SGCZ: variants seen among roughly 807,000 people sequenced by gnomAD.
SGCZ encodes the protein zeta-sarcoglycan.
Under a neutral mutation model 41.3 loss-of-function variants are expected in SGCZ, and 40 were observed. The ratio of observed to expected loss-of-function variants is 0.97; its 90% CI spans 0.75 to 1.26. The LOEUF (loss-of-function observed/expected upper bound fraction) is 1.26, where lower values mean the gene tolerates loss of function less well. SGCZ is among the 50% of genes most tolerant of loss of function. The pLI is 0.00. For missense variants in SGCZ, 552 were observed against 369.8 expected (o/e 1.49, Z -4.04); for synonymous variants, 206 against 137.5 (o/e 1.50, Z -3.49).
At chr8:14,939,161 C>G (rs938211158) in intron 1 of SGCZ, among the ~76,000 whole-genome samples, 1 of 152,080 alleles carries the variant, frequency 6.6e-6, no homozygotes, top group African/African-American at 2.4e-5. Flanking sequence ...ATGTGCTTAG[C>G]TGGTTAGAAT....
chr8:14,317,037 A>T (rs7015616), intron 3 of SGCZ, among the ~76,000 whole-genome samples: 90,478 of 151,690 alleles, frequency 0.6, 28,702 homozygotes, highest in Non-Finnish European at 0.73. Flanking sequence ...TGTTACATTT[A>T]CTCTTCCTCT....
At chr8:15,040,451 T>C (rs559914688) in intron 1 of SGCZ, among the ~76,000 whole-genome samples, 149 of 152,126 alleles carry the variant, frequency 9.8e-4, no homozygotes, top group African/African-American at 3.3e-3. Context: ...CTGCCTCTAC[T>C]AAAAATACAA....
chr8:14,934,918 A>G (rs950259674), intron 1 of SGCZ, among the ~76,000 whole-genome samples: 1 of 151,242 alleles, frequency 6.6e-6, no homozygotes, highest in African/African-American at 2.4e-5. Flanking sequence ...ATAATCTCCC[A>G]GTACTGAAAA....
chr8:14,579,888 G>A (rs1804830630), intron 1 of SGCZ, among the ~76,000 whole-genome samples: 1 of 152,146 alleles, frequency 6.6e-6, no homozygotes, highest in African/African-American at 2.4e-5. Flanking sequence ...AAGTTCCCCT[G>A]AGTCTAAGCA....
chr8:15,011,164 C>A lies in SGCZ; in HGVS notation c.39+226421G>T, dbSNP rs78739063. ...AAGGGTTATTTAGAGAGAAATTTTGCTTAAATGTTTAGAAAATTATCCTAC... is the reference window on the plus strand; with the variant it reads ...AAGGGTTATTTAGAGAGAAATTTTGATTAAATGTTTAGAAAATTATCCTAC... On this transcript the variant is annotated intron_variant, in intron 1 of 7. Transcript: ENST00000382080. 4.1e-3 allele frequency among the ~76,000 whole-genome samples: 630 copies of A among 152,158 alleles called. 11 individuals are homozygous for A. The highest frequency in any genetic ancestry group is 0.035 in the East Asian group (180 of 5,170).
chr8:14,213,978 T>C (rs1314459929), intron 4 of SGCZ, among the ~76,000 whole-genome samples: 2 of 152,116 alleles, frequency 1.3e-5, no homozygotes, highest in African/African-American at 4.8e-5. Context: ...AACATGTTCA[T>C]AGCAAGTTCA....
intron 1 of SGCZ, among the ~76,000 whole-genome samples, chr8:15,161,528 G>A (rs1004054447): frequency 6.6e-6 from 1 of 152,164 alleles, no homozygotes; most frequent in African/African-American, 2.4e-5. Context: ...AGTGGGCAGT[G>A]CCTGGTGTCC....
In SGCZ at chr8:14,729,023, G is replaced by T. The variant is rs553098120; in HGVS notation, c.40-174097C>A. Among the ~76,000 whole-genome samples the T allele has an allele frequency of 1.1e-4, 17 of 152,264 alleles. No individual in the cohort carries two copies. In the South Asian group the frequency reaches 3.3e-3, roughly 30 times the overall value. On this transcript the variant is annotated intron_variant, in intron 1 of 7. Coordinates refer to ENST00000382080, the MANE Select transcript of SGCZ (RefSeq NM_139167.4). ...TAGTTTTAAAATTACTCTTTGTAAT[G>T]TGGTCACTAGGAATTAAGCCTTCAA...
At chr8:14,169,547 C>T (rs1804311283) in intron 4 of SGCZ, among the ~76,000 whole-genome samples, 1 of 152,144 alleles carries the variant, frequency 6.6e-6, no homozygotes, top group Admixed American at 6.6e-5. Flanking sequence ...CACTGGCTCC[C>T]AGGACATCCC....
chr8:14,698,169 G>C (rs1809026032), intron 1 of SGCZ, among the ~76,000 whole-genome samples: 1 of 151,816 alleles, frequency 6.6e-6, no homozygotes, highest in African/African-American at 2.4e-5. Context: ...TTTCCTATAA[G>C]AATGAAATAT....
At chr8:15,054,681 G>T (rs906595673) in intron 1 of SGCZ, among the ~76,000 whole-genome samples, 9 of 151,916 alleles carry the variant, frequency 5.9e-5, no homozygotes. Flanking sequence ...GTAGCCGGGC[G>T]CAGTGGCTCA....
chr8:14,993,357 C>T (rs1437778559), intron 1 of SGCZ, among the ~76,000 whole-genome samples: 2 of 152,046 alleles, frequency 1.3e-5, no homozygotes, highest in Non-Finnish European at 2.9e-5. Context: ...AAACCACAGG[C>T]TATTCTAGGA....
intron 1 of SGCZ, among the ~76,000 whole-genome samples, chr8:15,057,332 T>A (rs115513847): frequency 8.2e-4 from 125 of 152,306 alleles, no homozygotes; most frequent in African/African-American, 2.9e-3. Context: ...CCCTACTTGG[T>A]GTTCCTATTA....
chr8:14,991,256 A>G (rs1268350131), intron 1 of SGCZ, among the ~76,000 whole-genome samples: 2 of 152,138 alleles, frequency 1.3e-5, no homozygotes, highest in African/African-American at 2.4e-5. Context: ...CAGAAACTAA[A>G]CAGGCTCGAT....
intron 3 of SGCZ, among the ~76,000 whole-genome samples, chr8:14,296,035 A>G (rs1800999995): frequency 6.6e-6 from 1 of 152,164 alleles, no homozygotes; most frequent in African/African-American, 2.4e-5. Flanking sequence ...CAGAAGGTGG[A>G]GAGACACTCC....
chr8:14,669,890 A>G (rs184659336), intron 1 of SGCZ, among the ~76,000 whole-genome samples: 146 of 152,298 alleles, frequency 9.6e-4, no homozygotes, highest in South Asian at 3.5e-3. Context: ...TCATTTTCAT[A>G]GTTCCATTTT....
At chr8:14,475,171 GC>G (rs1461809530) in intron 2 of SGCZ, among the ~76,000 whole-genome samples, 1 of 151,990 alleles carries the variant, frequency 6.6e-6, no homozygotes, top group Non-Finnish European at 1.5e-5. Flanking sequence ...CTATTAAAAA[GC>G]AAAAGAATTA....
intron 1 of SGCZ, among the ~76,000 whole-genome samples, chr8:14,955,772 C>G (rs970359875): frequency 1.5e-4 from 23 of 151,964 alleles, no homozygotes; most frequent in Non-Finnish European, 2.9e-4. Context: ...CCAAATATCA[C>G]TTTTGAATCA....
chr8:15,235,480 T>C (rs1034016019), intron 1 of SGCZ, among the ~76,000 whole-genome samples: 1 of 152,196 alleles, frequency 6.6e-6, no homozygotes, highest in Non-Finnish European at 1.5e-5. Context: ...CAGTCAGTCA[T>C]TGCCAATATA....
Sources: gnomAD v4.1 joint callset for allele counts (sites outside exome capture counted in the v4.1 genomes callset) on GRCh38, gnomAD v4.1.1 for gene constraint, MANE v1.5 for transcripts, NCBI Gene and HGNC (gene_info 2026-07-23, HGNC 2026-07-21) for gene names.